The following RAB37 variants were observed in gnomAD, a reference collection of about 807,000 sequenced individuals.
The protein encoded by RAB37 is ras-related protein Rab-37.
Under a neutral mutation model 33.1 loss-of-function variants are expected in RAB37, and 29 were observed. The ratio of observed to expected loss-of-function variants is 0.88; its 90% CI spans 0.65 to 1.20. The LOEUF (loss-of-function observed/expected upper bound fraction) is 1.20. RAB37 is among the 50% of genes most tolerant of loss of function. The pLI, the probability that RAB37 is intolerant of heterozygous loss-of-function variation, is 0.00. For synonymous variants in RAB37, 128 were observed against 119.5 expected, an observed-to-expected ratio of 1.07 and a Z score of -0.47; for missense variants, 299 against 301.1, an observed-to-expected ratio of 0.99 and a Z score of 0.05.
chr17:74,716,331 C>A (rs964198495), intron 1 of RAB37, among the ~76,000 whole-genome samples: 5 of 152,152 alleles, frequency 3.3e-5, no homozygotes, highest in African/African-American at 1.2e-4. Flanking sequence ...AATGGTTGAA[C>A]CTGTCATTCT....
chr17:74,692,230 T>C (rs2032171815), intron 1 of RAB37, among the ~76,000 whole-genome samples: 1 of 152,154 alleles, frequency 6.6e-6, no homozygotes, highest in Non-Finnish European at 1.5e-5. Flanking sequence ...AACTTTTCCA[T>C]TTTAAGATCT....
At chr17:74,709,915 T>C (rs2033824616) in intron 1 of RAB37, among the ~76,000 whole-genome samples, 1 of 151,886 alleles carries the variant, frequency 6.6e-6, no homozygotes, top group Non-Finnish European at 1.5e-5. Flanking sequence ...GGCATTCCTA[T>C]TGACATCATA....
At chr17:74,733,148 C>T (rs1390422164), upstream of RAB37, among the ~76,000 whole-genome samples, 4 of 151,880 alleles carry the variant, frequency 2.6e-5, no homozygotes, top group Non-Finnish European at 4.4e-5. Flanking sequence ...GTGCCTGGAG[C>T]TGCACTGTGG....
intron 1 of RAB37, among the ~76,000 whole-genome samples, chr17:74,687,396 G>T (rs2032075482): frequency 6.6e-6 from 1 of 151,136 alleles, no homozygotes; most frequent in Admixed American, 6.6e-5. Context: ...GCTAATTTTT[G>T]TATTTTTAAT....
intron 1 of RAB37, chr17:74,672,595 T>C (rs1338202315): frequency 1.3e-5 from 2 of 152,064 alleles, no homozygotes; most frequent in African/African-American, 4.8e-5. Flanking sequence ...GAAACTAAAA[T>C]CCAGAGAGGA....
In RAB37 at chr17:74,744,017, A is replaced by G. The variant is rs893183435; in HGVS notation, c.367-291A>G. ...TTAGAATCTTTAACAGGACACTCCA[A>G]GAAATCACTGCTGACAGCCAACTGA... is the stretch of plus-strand genomic sequence containing the variant. On this transcript the variant is annotated intron_variant, in intron 5 of 8. Transcript: ENST00000392613. The surrounding 1 kb of genome is among the most constrained non-coding windows in gnomAD (Gnocchi z 4.2). 6.6e-6 allele frequency among the ~76,000 whole-genome samples: 1 copy of G among 152,204 alleles called. No homozygotes were observed. The highest frequency in any genetic ancestry group is 1.5e-5 in the Non-Finnish European group (1 of 68,036).
upstream of RAB37, among the ~76,000 whole-genome samples, chr17:74,734,369 A>G (rs1337888503): frequency 6.6e-6 from 1 of 152,218 alleles, no homozygotes; most frequent in Non-Finnish European, 1.5e-5. Flanking sequence ...AATGAGTGAT[A>G]TCTGCAATGA....
rs903695458 is a variant in RAB37 at position 74,730,112 on chromosome 17, C to T, written c.183+746C>T. On this transcript the variant is annotated intron_variant, in intron 2 of 7. Coordinates refer to the RAB37 transcript ENST00000340415. This position sits in a 1 kb window ranked among gnomAD's most constrained non-coding sequence, Gnocchi z 4.4. ...CCGCGTTGTCCCGTGCCTGCGGCTG[C>T]AGCTGCCCTTGAATTCCTGGGAAGA... Among the ~76,000 whole-genome samples the T allele has an allele frequency of 6.6e-6, 1 of 152,184 alleles. No individual in the cohort carries two copies. Among genetic ancestry groups the T allele is most frequent in the Admixed American group, 6.5e-5 (1 of 15,282 alleles).
chr17:74,699,032 C>A (rs984859068), intron 1 of RAB37, among the ~76,000 whole-genome samples: 6 of 152,096 alleles, frequency 3.9e-5, no homozygotes, highest in Non-Finnish European at 7.4e-5. Context: ...GATTCTTCTG[C>A]CTCAGCCTCC....
intron 1 of RAB37, among the ~76,000 whole-genome samples, chr17:74,722,795 T>C (rs372112029): frequency 3.3e-5 from 5 of 152,340 alleles, no homozygotes; most frequent in African/African-American, 1.2e-4. Flanking sequence ...GTTTGTGGAA[T>C]CTTCTGTCAA....
In RAB37 at chr17:74,727,228, C is replaced by T. The variant is rs796133118; in HGVS notation, c.73-2028C>T. Among the ~76,000 whole-genome samples the T allele has an allele frequency of 2.0e-4, 30 of 152,340 alleles. 1 individual carries two copies. Among genetic ancestry groups the T allele is most frequent in the African/African-American group, 7.2e-4 (30 of 41,586 alleles). On this transcript the variant is annotated intron_variant, in intron 1 of 7. Transcript: ENST00000340415. ...TATTCTATAGACTGGATTTTTGGGG[C>T]TCTCCCACACAGGAGATCTATGGAC...
intron 1 of RAB37, among the ~76,000 whole-genome samples, chr17:74,682,950 G>A (rs989499174): frequency 6.6e-6 from 1 of 152,186 alleles, no homozygotes; most frequent in Non-Finnish European, 1.5e-5. Flanking sequence ...AAATGGGATG[G>A]TGTCATCTGG....
At chr17:74,733,999 T>C (rs2034430069), upstream of RAB37, among the ~76,000 whole-genome samples, 1 of 152,174 alleles carries the variant, frequency 6.6e-6, no homozygotes, top group Admixed American at 6.5e-5. Flanking sequence ...GGGAAGTGCT[T>C]CAGGCCACTG....
chr17:74,710,557 A>C (rs1184650458), intron 1 of RAB37, among the ~76,000 whole-genome samples: 1 of 152,048 alleles, frequency 6.6e-6, no homozygotes, highest in Non-Finnish European at 1.5e-5. Flanking sequence ...ATAAAGACTT[A>C]TGGAAAAAAA....
Position 74,704,457 on chromosome 17 carries a change from C to A in RAB37, c.73-24799C>A, listed in dbSNP as rs780564137. On this transcript the variant is annotated intron_variant, in intron 1 of 7. Transcript: ENST00000340415. ...CAGAGCAGGCCCTGAGAGACACACACATATATACACTCCCTCTTACCTGGG... is the reference window on the plus strand; with the variant it reads ...CAGAGCAGGCCCTGAGAGACACACAAATATATACACTCCCTCTTACCTGGG... 1.9e-6 allele frequency: 3 copies of A among 1,556,498 alleles called. No homozygotes were observed. The South Asian group carries it at 3.5e-5, about 18-fold the overall frequency.
chr17:74,695,661 G>A, intron 1 of RAB37: 3 of 1,609,712 alleles, frequency 1.9e-6, no homozygotes, highest in Non-Finnish European at 1.7e-6. Context: ...CCCTCCAACG[G>A]GGTGCAACGG....
intron 1 of RAB37, among the ~76,000 whole-genome samples, chr17:74,715,069 C>A (rs2034149209): frequency 6.6e-6 from 1 of 152,210 alleles, no homozygotes; most frequent in Non-Finnish European, 1.5e-5. Flanking sequence ...TTGCAGTGAG[C>A]TGAGATCGCA....
At chr17:74,703,545 C>G (rs2033251709) in intron 1 of RAB37, among the ~76,000 whole-genome samples, 4 of 152,208 alleles carry the variant, frequency 2.6e-5, no homozygotes, top group Non-Finnish European at 5.9e-5. Context: ...CATCAAAGGT[C>G]AGGACCAGCC....
chr17:74,736,116 G>A (rs1158896587), upstream of RAB37, among the ~76,000 whole-genome samples: 1 of 152,154 alleles, frequency 6.6e-6, no homozygotes, highest in African/African-American at 2.4e-5. Flanking sequence ...GGGAGACTGA[G>A]GCGGGAGTAT....
Sources: gnomAD v4.1 joint callset for allele counts (sites outside exome capture counted in the v4.1 genomes callset) on GRCh38, gnomAD v4.1.1 for gene constraint, Gnocchi (gnomAD v3.1) non-coding constraint, MANE v1.5 for transcripts, NCBI Gene and HGNC (gene_info 2026-07-23, HGNC 2026-07-21) for gene names.